The following MMRN1 variants were observed in gnomAD, a reference collection of about 807,000 sequenced individuals.
The protein encoded by MMRN1 is multimerin-1.
In MMRN1, 94 loss-of-function variants were observed where a neutral mutation model predicts 100.7. That is an observed-to-expected ratio of 0.93 (90% CI 0.79 to 1.11). The LOEUF (loss-of-function observed/expected upper bound fraction) is 1.11, where lower values mean the gene tolerates loss of function less well. Ranked by LOEUF, MMRN1 falls within the 50% of genes least tolerant of loss-of-function variation. The pLI is 0.00. For missense variants in MMRN1, 1,606 were observed against 1,439.1 expected (o/e 1.12, Z -1.88); for synonymous variants, 575 against 505.0 (o/e 1.14, Z -1.86).
At chr4:89,919,866 C>T (rs1394315255) in intron 3 of MMRN1, among the ~76,000 whole-genome samples, 1 of 152,076 alleles carries the variant, frequency 6.6e-6, no homozygotes, top group Non-Finnish European at 1.5e-5. Context: ...ACAATTAGCA[C>T]ATGCTAATAA....
chr4:89,901,339 TC>T, intron 1 of MMRN1, among the ~76,000 whole-genome samples: 1 of 151,620 alleles, frequency 6.6e-6, no homozygotes, highest in East Asian at 1.9e-4. Flanking sequence ...GGATTTTTTT[TC>T]TGAGTTTAAT....
In MMRN1 at chr4:89,908,620, TA is replaced by T. The variant is rs201982631; in HGVS notation, c.624-655del. Among the ~76,000 whole-genome samples, 1,019 of 151,634 alleles carry T rather than the reference TA, an allele frequency of 6.7e-3. 6 individuals are homozygous for T. The highest frequency in any genetic ancestry group is 0.01 in the Non-Finnish European group (705 of 67,652). On this transcript the variant is annotated intron_variant, in intron 1 of 7. Transcript: ENST00000264790. ...TTCTTAGGTACATTATTCTTGTTGTTATTTTTTGCTACTGTTAATAGTGTCT... is the reference window on the plus strand; with the variant it reads ...TTCTTAGGTACATTATTCTTGTTGTTTTTTTTGCTACTGTTAATAGTGTCT...
At chr4:89,920,983 T>C (rs1722069496) in intron 3 of MMRN1, among the ~76,000 whole-genome samples, 1 of 152,060 alleles carries the variant, frequency 6.6e-6, no homozygotes, top group African/African-American at 2.4e-5. Context: ...TCTAATGGGA[T>C]GTAAAGAAAT....
intron 6 of MMRN1, among the ~76,000 whole-genome samples, chr4:89,947,296 T>C (rs569683942): frequency 2.3e-4 from 35 of 151,626 alleles, no homozygotes; most frequent in African/African-American, 6.0e-4. Flanking sequence ...ATAAAACAAA[T>C]AAATAAATAA....
At chr4:89,933,058 C>T (rs1370089975) in intron 5 of MMRN1, among the ~76,000 whole-genome samples, 1 of 152,134 alleles carries the variant, frequency 6.6e-6, no homozygotes, top group African/African-American at 2.4e-5. Flanking sequence ...AAACTGAATG[C>T]TTTTAAGAGC....
intron 1 of MMRN1, among the ~76,000 whole-genome samples, chr4:89,886,144 G>A (rs1482487199): frequency 6.7e-6 from 1 of 150,180 alleles, no homozygotes; most frequent in African/African-American, 2.5e-5. Flanking sequence ...GCCTGCCTCA[G>A]CCTCCCAAAG....
At position 89,882,482 on chromosome 4, in the gene MMRN1, G is replaced by A. The variant is rs188516911; in HGVS notation, c.-249+2880G>A. 3.6e-3 allele frequency among the ~76,000 whole-genome samples: 547 copies of A among 151,832 alleles called. 4 individuals carry two copies. Among genetic ancestry groups the A allele is most frequent in the African/African-American group, 0.013 (527 of 41,472 alleles). On this transcript the variant is annotated intron_variant, in intron 1 of 8. Transcript: ENST00000394980. ...CTAGTTTTAGAAAACTTAAATTTTA[G>A]TTGAACACTTTTAACAGTGAAGTTT...
intron 6 of MMRN1, among the ~76,000 whole-genome samples, chr4:89,944,048 CT>C (rs1010579151): frequency 2.6e-5 from 4 of 151,656 alleles, no homozygotes; most frequent in Admixed American, 6.6e-5. Flanking sequence ...ATATTTTATA[CT>C]TTTTTTGATA....
At chr4:89,951,839 C>T in intron 7 of MMRN1, 88 bp downstream of exon 7, 2 of 1,422,856 alleles carry the variant, frequency 1.4e-6, no homozygotes, top group Non-Finnish European at 1.9e-6. Context: ...AATATTTAAG[C>T]CTGCTTAATC....
At chr4:89,897,559 C>T (rs1340300426) in intron 1 of MMRN1, among the ~76,000 whole-genome samples, 1 of 152,058 alleles carries the variant, frequency 6.6e-6, no homozygotes, top group African/African-American at 2.4e-5. Context: ...AGAGACAATT[C>T]AAGTTAAAAT....
chr4:89,936,712 T>C lies in MMRN1; in HGVS notation c.3032T>C (p.Ile1011Thr). The C allele has an allele frequency of 1.2e-6, 2 of 1,613,348 alleles. No homozygotes were observed. The highest frequency in any genetic ancestry group is 1.7e-6 in the Non-Finnish European group (2 of 1,179,628). ...QKQVKSLPKK[I>T]NALKKPTVNL... Reference sequence around the variant, plus strand: ...CAAGTAAAATCATTGCCAAAGAAAATTAACGCACTTAAGAAACCAACGGTA... The same window carrying C: ...CAAGTAAAATCATTGCCAAAGAAAACTAACGCACTTAAGAAACCAACGGTA... The change falls in exon 6 of 8, where the codon ATT becomes ACT. Residue 1011 changes from isoleucine to threonine, a missense_variant. Physicochemically the swap from Ile to Thr is moderately conservative, Grantham distance 89. Transcript: ENST00000264790.
intron 4 of MMRN1, 49 bp downstream of exon 4, chr4:89,923,321 T>G: frequency 1.0e-5 from 15 of 1,493,114 alleles, no homozygotes; most frequent in Non-Finnish European, 1.4e-5. Context: ...TTGTCAATGC[T>G]ATTTATTACA....
At chr4:89,931,763 A>G (rs1469174174) in intron 5 of MMRN1, among the ~76,000 whole-genome samples, 1 of 152,160 alleles carries the variant, frequency 6.6e-6, no homozygotes, top group Non-Finnish European at 1.5e-5. Flanking sequence ...TGAGAACAGC[A>G]TGGGAAAAAT....
intron 1 of MMRN1, among the ~76,000 whole-genome samples, chr4:89,903,353 G>GTTT (rs562454331): frequency 2.1e-5 from 3 of 144,270 alleles, no homozygotes; most frequent in Non-Finnish European, 3.1e-5. Flanking sequence ...CATTCTGAAA[G>GTTT]TTTTTTTTTT....
At position 89,905,045 on chromosome 4, in the gene MMRN1, A is replaced by G. The variant is rs879479798; in HGVS notation, c.624-4231A>G. On this transcript the variant is annotated intron_variant, in intron 1 of 7. Transcript: ENST00000264790. ...GGAATTATCCACATATGTCAGACTT[A>G]TAGAGTTGAGAATGAGATGAGCAGG... 7.9e-5 allele frequency among the ~76,000 whole-genome samples: 12 copies of G among 151,632 alleles called. No individual in the cohort carries two copies. The Admixed American group carries it at 7.9e-4, about 10-fold the overall frequency.
intron 1 of MMRN1, among the ~76,000 whole-genome samples, chr4:89,897,053 G>T (rs1383243008): frequency 6.6e-6 from 1 of 151,914 alleles, no homozygotes; most frequent in East Asian, 1.9e-4. Flanking sequence ...AATCAGAAAT[G>T]TCATTTATTG....
At chr4:89,889,801 A>G (rs1372204803) in intron 1 of MMRN1, among the ~76,000 whole-genome samples, 1 of 152,048 alleles carries the variant, frequency 6.6e-6, no homozygotes, top group Non-Finnish European at 1.5e-5. Flanking sequence ...TGATTAAAAC[A>G]CTACTTTACA....
At chr4:89,952,672 C>A (rs1481220013) in intron 7 of MMRN1, among the ~76,000 whole-genome samples, 2 of 152,126 alleles carry the variant, frequency 1.3e-5, no homozygotes, top group Admixed American at 6.6e-5. Context: ...TCATAGAGTG[C>A]TTTGAATTCC....
At chr4:89,884,235 C>T (rs1331171177) in intron 1 of MMRN1, among the ~76,000 whole-genome samples, 1 of 151,994 alleles carries the variant, frequency 6.6e-6, no homozygotes, top group Non-Finnish European at 1.5e-5. Context: ...ATTTAATCAA[C>T]AAAAATCTGC....
Sources: allele counts gnomAD v4.1 joint callset (sites outside exome capture counted in the v4.1 genomes callset), GRCh38; gene constraint gnomAD v4.1.1; transcripts MANE v1.5; gene names NCBI Gene and HGNC (gene_info 2026-07-23, HGNC 2026-07-21).